Variants in AFF2 observed in about 807,000 individuals in gnomAD.
AFF2 encodes the protein AF4/FMR2 family member 2.
In AFF2, 14 loss-of-function variants were observed where a neutral mutation model predicts 76.9. That is an observed-to-expected ratio of 0.18 (90% CI 0.12 to 0.28). The LOEUF is 0.28. AFF2 is among the 10% of genes least tolerant of loss of function. The pLI, the probability that AFF2 is intolerant of heterozygous loss-of-function variation, is 1.00. For synonymous variants in AFF2, 398 were observed against 366.7 expected, an observed-to-expected ratio of 1.09 and a Z score of -0.98; for missense variants, 868 against 1,001.1, an observed-to-expected ratio of 0.87 and a Z score of 1.79.
At chrX:148,668,751 TC>T (rs1197578814) in intron 3 of AFF2, among the ~76,000 whole-genome samples, 1 of 112,106 alleles carries the variant, frequency 8.9e-6, no homozygotes, top group Non-Finnish European at 1.9e-5. Flanking sequence ...CATCATTTCC[TC>T]CTAGGCCTCC....
chrX:148,616,744 C>A (rs2053807704), intron 1 of AFF2, among the ~76,000 whole-genome samples: 1 of 103,843 alleles, frequency 9.6e-6, no homozygotes, highest in Non-Finnish European at 2.0e-5. Flanking sequence ...CCACAACAGT[C>A]CCCGGTGTGT....
In AFF2 at chrX:148,843,416, G is replaced by A; in HGVS notation, c.1245G>A (p.Lys415=). The change falls in exon 7 of 21, where the codon AAG becomes AAA. Residue 415 remains lysine (K), a synonymous_variant. Transcript: ENST00000370460. ...WNDPTTRAST[K]SVSFKSMLED... ...ACCCAACCACCAGAGCTTCTACAAA[G>A]TCAGTGTCTTTCAAATCGTGAGTAG... 2 of 1,209,660 alleles carry A rather than the reference G, an allele frequency of 1.7e-6. No individual in the cohort carries two copies. The highest frequency in any genetic ancestry group is 5.9e-5 in the East Asian group (2 of 33,781).
At chrX:148,937,636 G>A (rs1238112118) in intron 9 of AFF2, among the ~76,000 whole-genome samples, 1 of 111,702 alleles carries the variant, frequency 9.0e-6, no homozygotes, top group Non-Finnish European at 1.9e-5. Context: ...GCAGAATCAG[G>A]CCTGTTTGTT....
At chrX:148,562,079 G>C (rs981154830) in intron 1 of AFF2, among the ~76,000 whole-genome samples, 2 of 112,088 alleles carry the variant, frequency 1.8e-5, no homozygotes, top group Admixed American at 9.4e-5. Flanking sequence ...TAATGAAAGT[G>C]GTGAGTTCCC....
At chrX:148,700,420 G>GTGTC (rs1491196499) in intron 3 of AFF2, among the ~76,000 whole-genome samples, 1 of 3,498 alleles carries the variant, frequency 2.9e-4, no homozygotes, top group Non-Finnish European at 1.4e-3. Context: ...TACTGTTGAA[G>GTGTC]TGTGTGTGTG....
chrX:148,578,299 A>G (rs782519619), intron 1 of AFF2, among the ~76,000 whole-genome samples: 1 of 111,174 alleles, frequency 9.0e-6, no homozygotes, highest in East Asian at 2.9e-4. Context: ...TTAAAGGCCA[A>G]ACTCATTTTG....
At chrX:148,552,850 C>T (rs782799690) in intron 1 of AFF2, among the ~76,000 whole-genome samples, 3 of 111,984 alleles carry the variant, frequency 2.7e-5, no homozygotes, top group East Asian at 2.8e-4. Flanking sequence ...ATATGGAAAT[C>T]GGGGACATCC....
At chrX:148,940,284 G>A (rs1391023443) in intron 9 of AFF2, among the ~76,000 whole-genome samples, 2 of 111,721 alleles carry the variant, frequency 1.8e-5, no homozygotes, top group Non-Finnish European at 3.8e-5. Flanking sequence ...CCTAAGATGT[G>A]CATTTGTTTG....
chrX:148,895,789 G>A (rs2071277910), intron 8 of AFF2, among the ~76,000 whole-genome samples: 1 of 111,053 alleles, frequency 9.0e-6, no homozygotes, highest in Admixed American at 9.6e-5. Flanking sequence ...TCAGAAAAGT[G>A]GAAGAACCTG....
intron 1 of AFF2, among the ~76,000 whole-genome samples, chrX:148,508,908 CA>C (rs2052453366): frequency 9.0e-6 from 1 of 111,473 alleles, no homozygotes; most frequent in Admixed American, 9.5e-5. Flanking sequence ...CCAAACTCCT[CA>C]TTGTACAGAT....
intron 3 of AFF2, among the ~76,000 whole-genome samples, chrX:148,724,912 G>A (rs1037102351): frequency 5.4e-5 from 6 of 111,928 alleles, no homozygotes; most frequent in Non-Finnish European, 9.4e-5. Context: ...TGTTAGCCAA[G>A]TTTTGCTTCC....
chrX:148,921,358 G>T (rs1557283184), intron 9 of AFF2, among the ~76,000 whole-genome samples: 1 of 111,872 alleles, frequency 8.9e-6, no homozygotes, highest in Admixed American at 9.4e-5. Flanking sequence ...ATCAATTTTA[G>T]AACATTTCTC....
intron 1 of AFF2, among the ~76,000 whole-genome samples, chrX:148,614,912 C>A (rs1041765634): frequency 9.3e-6 from 1 of 107,288 alleles, no homozygotes; most frequent in Non-Finnish European, 1.9e-5. Flanking sequence ...AAGGACAAAT[C>A]AGTTTTCCTT....
intron 8 of AFF2, among the ~76,000 whole-genome samples, chrX:148,897,587 T>G (rs782747912): frequency 1.8e-5 from 2 of 108,865 alleles, no homozygotes; most frequent in East Asian, 2.9e-4. Context: ...AAAGATATTT[T>G]ATCAGTATTT....
intron 8 of AFF2, among the ~76,000 whole-genome samples, chrX:148,888,308 A>G (rs1190527617): frequency 1.8e-5 from 2 of 111,313 alleles, no homozygotes; most frequent in African/African-American, 6.5e-5. Flanking sequence ...TTCACTTACC[A>G]TAATATTTTC....
intron 3 of AFF2, among the ~76,000 whole-genome samples, chrX:148,714,910 G>T (rs2055010304): frequency 8.9e-6 from 1 of 111,780 alleles, no homozygotes; most frequent in Admixed American, 9.5e-5. Context: ...GGCCAAGTAG[G>T]TCACAGTCCC....
intron 1 of AFF2, among the ~76,000 whole-genome samples, chrX:148,572,444 A>G (rs1471136028): frequency 8.9e-6 from 1 of 112,295 alleles, no homozygotes; most frequent in Non-Finnish European, 1.9e-5. Flanking sequence ...ATGTCCACAT[A>G]AAAACTTGTA....
At chrX:148,703,787 G>A (rs1557262068) in intron 3 of AFF2, among the ~76,000 whole-genome samples, 1 of 110,825 alleles carries the variant, frequency 9.0e-6, no homozygotes, top group African/African-American at 3.3e-5. Flanking sequence ...TTTCCACCTG[G>A]ATACCCCACA....
chrX:148,513,754 G>C (rs925116851), intron 1 of AFF2, among the ~76,000 whole-genome samples: 21 of 111,053 alleles, frequency 1.9e-4, no homozygotes, highest in African/African-American at 6.9e-4. Flanking sequence ...GAGATTTGAG[G>C]GTGGGGGAAG....
Sources: gnomAD v4.1 joint callset for allele counts (sites outside exome capture counted in the v4.1 genomes callset) on GRCh38, gnomAD v4.1.1 for gene constraint, MANE v1.5 for transcripts, NCBI Gene and HGNC (gene_info 2026-07-23, HGNC 2026-07-21) for gene names.